Variants in RAD51B observed in about 807,000 individuals in gnomAD.
RAD51B encodes the protein RAD51 paralog B.
RAD51B carries 38 observed loss-of-function variants against 42.2 expected under a neutral mutation model. The observed-to-expected ratio is 0.90, with a 90% CI of 0.70 to 1.18. The LOEUF (loss-of-function observed/expected upper bound fraction) is 1.18. Among genes scored for constraint, RAD51B ranks in the 50% most tolerant of loss-of-function variants. RAD51B has a pLI of 0.00. For missense variants in RAD51B, 373 were observed against 400.7 expected (o/e 0.93, Z 0.59); for synonymous variants, 154 against 145.2 (o/e 1.06, Z -0.43).
At chr14:67,986,042 C>CTG (rs2075185572) in intron 7 of RAD51B, among the ~76,000 whole-genome samples, 1 of 151,886 alleles carries the variant, frequency 6.6e-6, no homozygotes, top group South Asian at 2.1e-4. Context: ...TAGTTTAATT[C>CTG]TGTGTGTGTA....
intron 10 of RAD51B, among the ~76,000 whole-genome samples, chr14:68,621,638 C>T (rs923034084): frequency 1.3e-5 from 2 of 152,220 alleles, no homozygotes; most frequent in Non-Finnish European, 2.9e-5. Flanking sequence ...GGGCTAAGGC[C>T]ACATTGGGGC....
At position 68,457,955 on chromosome 14, in the gene RAD51B, GA is replaced by G. The variant is rs1376755006; in HGVS notation, c.958-10202del. Among the ~76,000 whole-genome samples, 716 of 105,836 alleles carry G rather than the reference GA, an allele frequency of 6.8e-3. 3 individuals carry two copies. The highest frequency in any genetic ancestry group is 0.013 in the Admixed American group (133 of 10,408). The allele number at this position is 105,836 out of a possible 152,430, so 69.4% of individuals were successfully genotyped here. A position where few individuals can be genotyped will look rare whatever the true frequency, so the allele number is the denominator to read the frequency against. ...TTTCAAACCACATGTAAAGTTCACT[GA>G]AAAAAAAAAAAAAACCAACATGGTT... is the stretch of plus-strand genomic sequence containing the variant. On this transcript the variant is annotated intron_variant, in intron 9 of 10. Coordinates refer to ENST00000471583, the MANE Select transcript of RAD51B (RefSeq NM_133510.4).
At chr14:68,557,389 A>G (rs772865436) in intron 10 of RAD51B, among the ~76,000 whole-genome samples, 10 of 152,172 alleles carry the variant, frequency 6.6e-5, no homozygotes, top group Non-Finnish European at 1.5e-4. Flanking sequence ...GGAATATCTC[A>G]TGTTTATTGA....
At chr14:68,443,592 A>G (rs993018384) in intron 9 of RAD51B, among the ~76,000 whole-genome samples, 1 of 152,232 alleles carries the variant, frequency 6.6e-6, no homozygotes, top group African/African-American at 2.4e-5. Flanking sequence ...AAGATTCCCT[A>G]TCACATTTCT....
At chr14:68,536,104 G>A (rs577180907) in intron 10 of RAD51B, among the ~76,000 whole-genome samples, 2 of 152,164 alleles carry the variant, frequency 1.3e-5, no homozygotes, top group African/African-American at 4.8e-5. Flanking sequence ...CACAGGTCTG[G>A]TCAGGACACT....
At chr14:68,200,673 A>T (rs1251463554) in intron 7 of RAD51B, among the ~76,000 whole-genome samples, 1 of 152,108 alleles carries the variant, frequency 6.6e-6, no homozygotes, top group South Asian at 2.1e-4. Context: ...TTTCTTCTTG[A>T]GACAGAGTGT....
intron 8 of RAD51B, among the ~76,000 whole-genome samples, chr14:68,359,614 T>C (rs946417521): frequency 9.9e-5 from 15 of 152,208 alleles, no homozygotes; most frequent in Admixed American, 8.5e-4. Flanking sequence ...CTATGGCCGT[T>C]ACCTCTCTCA....
chr14:68,223,670 A>G (rs1258975447), intron 7 of RAD51B, among the ~76,000 whole-genome samples: 8 of 151,536 alleles, frequency 5.3e-5, no homozygotes, highest in Middle Eastern at 3.2e-3. Flanking sequence ...CTTGTTAACA[A>G]ATTTTTTAAA....
intron 10 of RAD51B, among the ~76,000 whole-genome samples, chr14:68,539,636 G>A (rs1167081163): frequency 4.6e-5 from 7 of 152,178 alleles, no homozygotes; most frequent in Non-Finnish European, 1.5e-5. Flanking sequence ...GCAGGGCAAG[G>A]CCCCAGCATT....
At chr14:67,922,958 T>C (rs2140138704) in intron 7 of RAD51B, among the ~76,000 whole-genome samples, 1 of 152,336 alleles carries the variant, frequency 6.6e-6, no homozygotes, top group East Asian at 1.9e-4. Flanking sequence ...CTCAAAGTGC[T>C]GGGATTACAG....
chr14:68,332,425 A>C (rs973443309), intron 8 of RAD51B, among the ~76,000 whole-genome samples: 1 of 152,232 alleles, frequency 6.6e-6, no homozygotes, highest in African/African-American at 2.4e-5. Flanking sequence ...GGCTTGACAG[A>C]GATCATTATT....
At chr14:68,630,703 A>T (rs1301431691) in intron 10 of RAD51B, among the ~76,000 whole-genome samples, 3 of 143,322 alleles carry the variant, frequency 2.1e-5, no homozygotes, top group Non-Finnish European at 4.6e-5. Context: ...TCGGCCGGTA[A>T]CTTCTACGGG....
At chr14:68,401,229 C>T (rs952478609) in intron 8 of RAD51B, among the ~76,000 whole-genome samples, 2 of 152,164 alleles carry the variant, frequency 1.3e-5, no homozygotes, top group African/African-American at 2.4e-5. Flanking sequence ...TTTCTCAGGG[C>T]AAGCTCAGTT....
chr14:67,943,233 C>T (rs915375096), intron 7 of RAD51B, among the ~76,000 whole-genome samples: 2 of 152,130 alleles, frequency 1.3e-5, no homozygotes, highest in African/African-American at 4.8e-5. Context: ...ATTTCACAAA[C>T]ATCACTTATT....
intron 9 of RAD51B, 38 bp downstream of exon 9, chr14:68,411,565 G>A (rs755473217): frequency 4.4e-5 from 69 of 1,576,278 alleles, no homozygotes; most frequent in African/African-American, 8.1e-5. Context: ...TATGAAGGTC[G>A]GGGAATGAGA....
At chr14:68,589,011 T>C (rs1024539386) in intron 10 of RAD51B, among the ~76,000 whole-genome samples, 10 of 152,170 alleles carry the variant, frequency 6.6e-5, no homozygotes, top group African/African-American at 1.9e-4. Flanking sequence ...CAGGTACCAG[T>C]TGGGTGACCT....
At chr14:68,480,843 CCAACCAACTTCAGGGGAGGGAACT>C (rs922530079), downstream of RAD51B, among the ~76,000 whole-genome samples, 2 of 152,116 alleles carry the variant, frequency 1.3e-5, no homozygotes, top group Non-Finnish European at 2.9e-5. Flanking sequence ...CTTGAGTTCC[CCAACCAACTTCAGGGGAGGGAACT>C]CAAGAATACG....
chr14:68,394,065 G>T lies in RAD51B; in HGVS notation c.854-17359G>T, dbSNP rs115828477. 6.0e-3 allele frequency among the ~76,000 whole-genome samples: 907 copies of T among 152,332 alleles called. 14 individuals carry two copies. Among genetic ancestry groups the T allele is most frequent in the African/African-American group, 0.021 (867 of 41,564 alleles). ...AGGTGGCTCCCTCTTTAGTCGGCAG[G>T]AGCAGGGCTGAATTTTATCAACATC... On this transcript the variant is annotated intron_variant, in intron 8 of 10. Coordinates refer to ENST00000471583, the MANE Select transcript of RAD51B (RefSeq NM_133510.4).
rs2082525873 is a variant in RAD51B at position 68,339,352 on chromosome 14, A to G, written c.853+47372A>G. ...GCTCTCTGCCGCTGCAACCTGATAT[A>G]GTGGGGCCATTTCACAAAGCGGGTG... On this transcript the variant is annotated intron_variant, in intron 8 of 10. Transcript: ENST00000471583. 3 of 1,028,682 alleles carry G rather than the reference A, an allele frequency of 2.9e-6. 1 individual carries two copies. In the East Asian group the frequency reaches 7.2e-5, roughly 25 times the overall value. 63.7% of individuals were successfully genotyped at this position (1,028,682 alleles called of 1,614,324 possible). A position where few individuals can be genotyped will look rare whatever the true frequency, so the allele number is the denominator to read the frequency against.
Sources: gnomAD v4.1 joint callset for allele counts (sites outside exome capture counted in the v4.1 genomes callset) on GRCh38, gnomAD v4.1.1 for gene constraint, MANE v1.5 for transcripts, NCBI Gene and HGNC (gene_info 2026-07-23, HGNC 2026-07-21) for gene names.